Variants in PRPF39 observed in about 807,000 individuals in gnomAD.
The protein encoded by PRPF39 is pre-mRNA processing factor 39.
PRPF39 carries 27 observed loss-of-function variants against 82.1 expected under a neutral mutation model. That is an observed-to-expected ratio of 0.33 (90% CI 0.24 to 0.45). The LOEUF is 0.45. PRPF39 is among the 20% of genes least tolerant of loss of function. The pLI is 1.00. For synonymous variants in PRPF39, 261 were observed against 256.4 expected (o/e 1.02, Z -0.17); for missense variants, 581 against 796.9 (o/e 0.73, Z 3.26).
At chr14:45,105,214 T>C (rs892663929) in intron 5 of PRPF39, among the ~76,000 whole-genome samples, 1 of 152,160 alleles carries the variant, frequency 6.6e-6, no homozygotes, top group Non-Finnish European at 1.5e-5. Context: ...ATGCACATTT[T>C]GTCACTGTTT....
chr14:45,111,107 A>AC, intron 10 of PRPF39: 2 of 338,800 alleles, frequency 5.9e-6, no homozygotes, highest in Non-Finnish European at 1.1e-5. Flanking sequence ...ACTAAGTAGA[A>AC]CAGAGGACTT....
intron 5 of PRPF39, among the ~76,000 whole-genome samples, chr14:45,103,722 G>A (rs1334259304): frequency 6.6e-6 from 1 of 152,108 alleles, no homozygotes; most frequent in Non-Finnish European, 1.5e-5. Context: ...CTTGCTGAAA[G>A]ATGTTAACAC....
intron 3 of PRPF39, 67 bp downstream of exon 3, chr14:45,096,295 ATT>A (rs374922767): frequency 0.046 from 54,908 of 1,186,812 alleles, 8 homozygotes; most frequent in East Asian, 0.07. Flanking sequence ...CAAAACAAAG[ATT>A]TTTTTTTTTT....
Position 45,096,897 on chromosome 14 carries a change from G to T in PRPF39, c.461G>T (p.Arg154Leu). ...NIKPSDEVYR[R>L]GLQAIPLSVD... ...CTGTTTTCTTCTTAGGTTTATCGGC[G>T]GGGGCTTCAGGCAATACCTCTTAGT... is the stretch of plus-strand genomic sequence containing the variant. Residue 154 changes from arginine (R) to leucine (L), a missense_variant, in exon 4 of 14, where the codon CGG (arginine) becomes CTG (leucine). Physicochemically the swap from Arg to Leu is moderately radical, Grantham distance 102. Coordinates refer to ENST00000355765, the MANE Select transcript of PRPF39 (RefSeq NM_017922.4). 4 of 1,538,104 alleles carry T rather than the reference G, an allele frequency of 2.6e-6. No individual in the cohort carries two copies. Among genetic ancestry groups the T allele is most frequent in the East Asian group, 2.4e-5 (1 of 40,968 alleles).
chr14:45,093,367 C>T (rs778739139), intron 1 of PRPF39, among the ~76,000 whole-genome samples: 8 of 151,092 alleles, frequency 5.3e-5, no homozygotes, highest in Non-Finnish European at 7.4e-5. Context: ...GAACTACAGA[C>T]GTGTGCCACC....
At chr14:45,092,676 C>G (rs1256652311) in intron 1 of PRPF39, among the ~76,000 whole-genome samples, 1 of 147,024 alleles carries the variant, frequency 6.8e-6, no homozygotes, top group Admixed American at 6.8e-5. Flanking sequence ...AAAAGTTATA[C>G]TCTCCAGAGT....
At chr14:45,109,905 C>A in intron 8 of PRPF39, 125 bp downstream of exon 8, 1 of 1,513,222 alleles carries the variant, frequency 6.6e-7, no homozygotes, top group South Asian at 1.3e-5. Context: ...AGATGGTCTG[C>A]TTGCAACCAG....
chr14:45,110,242 T>C lies in PRPF39; in HGVS notation c.1303+22T>C. On this transcript the variant is annotated intron_variant, in intron 9 of 13. Coordinates refer to ENST00000355765, the MANE Select transcript of PRPF39 (RefSeq NM_017922.4). The surrounding 1 kb of genome is among the most constrained non-coding windows in gnomAD (Gnocchi z 4.0). Reference sequence around the variant, plus strand: ...CAGGGTAAGAGTGGAGAAATTCAGTTGACATTTTTGAGATTTTAAGTTATT... The same window carrying C: ...CAGGGTAAGAGTGGAGAAATTCAGTCGACATTTTTGAGATTTTAAGTTATT... 6.2e-7 allele frequency: 1 copy of C among 1,611,490 alleles called. No individual in the cohort carries two copies. The highest frequency in any genetic ancestry group is 8.5e-7 in the Non-Finnish European group (1 of 1,178,312).
intron 13 of PRPF39, 61 bp downstream of exon 13, chr14:45,114,675 T>A: frequency 6.5e-7 from 1 of 1,549,284 alleles, no homozygotes; most frequent in African/African-American, 1.4e-5. Flanking sequence ...TTAGGATAGT[T>A]TCTTTTTTTT....
chr14:45,093,405 G>T (rs1884101051), intron 1 of PRPF39, among the ~76,000 whole-genome samples: 1 of 151,580 alleles, frequency 6.6e-6, no homozygotes, highest in Admixed American at 6.6e-5. Flanking sequence ...TGTATTTTTA[G>T]TAGAGATGGG....
At chr14:45,106,988 T>C (rs1365068057) in intron 5 of PRPF39, among the ~76,000 whole-genome samples, 1 of 152,218 alleles carries the variant, frequency 6.6e-6, no homozygotes, top group Admixed American at 6.5e-5. Context: ...GCTATATTTG[T>C]TGGTTATTTA....
chr14:45,116,031 T>G lies in PRPF39; in HGVS notation c.*1118T>G. ...TTTAGACCAGGGATTCATAAGGGAT[T>G]TATCTCTCAAAAGCTGGGACCAAGT... On this transcript the variant is annotated 3_prime_UTR_variant, in exon 14 of 14. Transcript: ENST00000355765. 1.8e-6 allele frequency: 1 copy of G among 567,972 alleles called. No individual in the cohort carries two copies. The highest frequency in any genetic ancestry group is 2.8e-5 in the East Asian group (1 of 35,668). The allele number at this position is 567,972 out of a possible 1,614,324, so 35.2% of individuals were successfully genotyped here. A position where few individuals can be genotyped will look rare whatever the true frequency, so the allele number is the denominator to read the frequency against.
chr14:45,102,336 CTCTT>C (rs1884402106), intron 4 of PRPF39, among the ~76,000 whole-genome samples, 189 bp from the exon 5 acceptor site: 1 of 152,120 alleles, frequency 6.6e-6, no homozygotes, highest in Non-Finnish European at 1.5e-5. Flanking sequence ...TTTATCTATT[CTCTT>C]TGTTTTCTCA....
At chr14:45,108,560 AAGT>A in intron 7 of PRPF39, 38 bp downstream of exon 7, 1 of 1,553,972 alleles carries the variant, frequency 6.4e-7, no homozygotes, top group Non-Finnish European at 8.6e-7. Context: ...TTAAAATACA[AAGT>A]AGGAATAATT....
chr14:45,114,482 C>T lies in PRPF39; in HGVS notation c.1833-12C>T, dbSNP rs199641199. ...GGAGTTTTGAAAGTTTCCATTCTGA[C>T]GTTTTATATAGATCAGAAGAACCAG... On this transcript the variant is annotated splice_polypyrimidine_tract_variant and intron_variant, in intron 12 of 13. Transcript: ENST00000355765. 23 of 1,548,828 alleles carry T rather than the reference C, an allele frequency of 1.5e-5. 1 individual carries two copies. Among genetic ancestry groups the T allele is most frequent in the African/African-American group, 1.4e-4 (10 of 71,898 alleles).
chr14:45,092,751 T>C (rs1440742924), intron 1 of PRPF39, among the ~76,000 whole-genome samples: 2 of 152,188 alleles, frequency 1.3e-5, no homozygotes, highest in Admixed American at 1.3e-4. Flanking sequence ...TATAACTTTC[T>C]TGGCCCTTCC....
intron 4 of PRPF39, among the ~76,000 whole-genome samples, chr14:45,097,796 ATGTACT>A: frequency 6.6e-6 from 1 of 152,284 alleles, no homozygotes; most frequent in East Asian, 1.9e-4. Flanking sequence ...TAGTTTGCTA[ATGTACT>A]TGTTTTTGGT....
intron 5 of PRPF39, among the ~76,000 whole-genome samples, chr14:45,107,149 A>T (rs555136393): frequency 1.6e-4 from 25 of 152,230 alleles, no homozygotes; most frequent in South Asian, 1.2e-3. Flanking sequence ...AGAAAAGAAA[A>T]CCTTCCCTAG....
rs764784264 is a variant in PRPF39, at chr14:45,095,566, T to G, written c.324+3T>G. On this transcript the variant is annotated splice_donor_region_variant and intron_variant, in intron 2 of 13. Coordinates refer to ENST00000355765, the MANE Select transcript of PRPF39 (RefSeq NM_017922.4). ...TGCTTCAATATGTAGAACAGGAGGT[T>G]AGTAACTATTAAAATGGTATCAGAA... The G allele has an allele frequency of 7.6e-6, 12 of 1,578,894 alleles. No individual in the cohort carries two copies. Among genetic ancestry groups the G allele is most frequent in the Non-Finnish European group, 1.0e-5 (12 of 1,162,240 alleles).
Sources: allele counts gnomAD v4.1 joint callset (sites outside exome capture counted in the v4.1 genomes callset), GRCh38; gene constraint gnomAD v4.1.1; non-coding constraint Gnocchi (gnomAD v3.1); transcripts MANE v1.5; gene names NCBI Gene and HGNC (gene_info 2026-07-23, HGNC 2026-07-21).